Variants in GRIK4 observed in about 807,000 individuals in gnomAD.
The protein encoded by GRIK4 is glutamate receptor ionotropic, kainate 4.
GRIK4 carries 40 observed loss-of-function variants against 104.9 expected under a neutral mutation model. The ratio of observed to expected loss-of-function variants is 0.38; its 90% confidence interval spans 0.30 to 0.50. The LOEUF (loss-of-function observed/expected upper bound fraction) is 0.50, where lower values mean the gene tolerates loss of function less well. Ranked by LOEUF, GRIK4 falls within the 20% of genes least tolerant of loss-of-function variation. The pLI, the probability that GRIK4 is intolerant of heterozygous loss-of-function variation, is 0.93. For synonymous variants in GRIK4, 485 were observed against 524.9 expected (o/e 0.92, Z 1.04); for missense variants, 1,047 against 1,308.1 (o/e 0.80, Z 3.08).
intron 11 of GRIK4, 96 bp downstream of exon 11, chr11:120,875,339 C>T: frequency 2.5e-6 from 2 of 792,850 alleles, no homozygotes; most frequent in Non-Finnish European, 4.4e-6. Context: ...TCCCAGTTAT[C>T]CCCAACAGCA....
intron 1 of GRIK4, among the ~76,000 whole-genome samples, chr11:120,535,231 G>A (rs1308397238): frequency 6.6e-6 from 1 of 151,366 alleles, no homozygotes; most frequent in Admixed American, 6.6e-5. Context: ...GCAGATGGGG[G>A]TCCTGAGGAG....
chr11:120,674,134 C>T (rs1950063756), intron 3 of GRIK4, among the ~76,000 whole-genome samples: 1 of 152,178 alleles, frequency 6.6e-6, no homozygotes, highest in Non-Finnish European at 1.5e-5. Context: ...ATGGTTCCTT[C>T]CATCTCATGG....
intron 4 of GRIK4, among the ~76,000 whole-genome samples, chr11:120,806,461 G>T (rs1221828408): frequency 6.6e-6 from 1 of 152,134 alleles, no homozygotes; most frequent in Non-Finnish European, 1.5e-5. Flanking sequence ...GGGCTAATTT[G>T]CATCATTAAT....
chr11:120,885,607 A>T (rs1392125446), intron 11 of GRIK4, among the ~76,000 whole-genome samples: 2 of 151,834 alleles, frequency 1.3e-5, no homozygotes, highest in African/African-American at 4.8e-5. Context: ...CTGATCTCGA[A>T]CTCCTGACCT....
chr11:120,827,882 C>T (rs1379825819), intron 6 of GRIK4, among the ~76,000 whole-genome samples: 3 of 152,170 alleles, frequency 2.0e-5, no homozygotes, highest in Non-Finnish European at 4.4e-5. Flanking sequence ...CATGGGCAGC[C>T]CACTGCATCA....
chr11:120,686,504 A>C (rs1428743352), intron 3 of GRIK4, among the ~76,000 whole-genome samples: 3 of 152,188 alleles, frequency 2.0e-5, no homozygotes, highest in African/African-American at 7.2e-5. Flanking sequence ...TGTATTCCCC[A>C]GGGGGCCTCA....
At chr11:120,827,932 C>T (rs1211866423) in intron 6 of GRIK4, among the ~76,000 whole-genome samples, 1 of 152,166 alleles carries the variant, frequency 6.6e-6, no homozygotes, top group Non-Finnish European at 1.5e-5. Context: ...TGGAGTCTGT[C>T]TCCCTGTGAC....
intron 1 of GRIK4, among the ~76,000 whole-genome samples, chr11:120,516,798 T>C (rs1457148957): frequency 6.6e-6 from 1 of 151,858 alleles, no homozygotes; most frequent in Non-Finnish European, 1.5e-5. Context: ...GGATGGGCGA[T>C]GCGAGGGGAG....
chr11:120,803,920 C>G (rs1284042957), intron 4 of GRIK4, among the ~76,000 whole-genome samples: 1 of 152,210 alleles, frequency 6.6e-6, no homozygotes. Flanking sequence ...AACTGAGGCT[C>G]AAAGCCATTG....
At position 120,956,709 on chromosome 11, in the gene GRIK4, C is replaced by G; in HGVS notation, c.1701-71C>G. On this transcript the variant is annotated intron_variant, in intron 15 of 20. Transcript: ENST00000527524. The surrounding 1 kb of genome is among the most constrained non-coding windows in gnomAD (Gnocchi z 4.6). ...GGCCGGTCTCAGAGGTGAGACCAGC[C>G]AGGAGAGCCTGCCTGTGTCCCTTCA... is the stretch of plus-strand genomic sequence containing the variant. The G allele has an allele frequency of 8.2e-7, 1 of 1,223,960 alleles. No individual in the cohort carries two copies. The highest frequency in any genetic ancestry group is 1.1e-6 in the Non-Finnish European group (1 of 908,956). 75.8% of individuals were successfully genotyped at this position (1,223,960 alleles called of 1,614,324 possible).
chr11:120,949,259 T>C (rs1292292576), intron 14 of GRIK4, among the ~76,000 whole-genome samples: 2 of 152,216 alleles, frequency 1.3e-5, no homozygotes, highest in African/African-American at 2.4e-5. Flanking sequence ...CACACCAGGA[T>C]TGTGGTCAGT....
chr11:120,739,926 C>T (rs1371143421), intron 3 of GRIK4, among the ~76,000 whole-genome samples: 1 of 152,328 alleles, frequency 6.6e-6, no homozygotes, highest in South Asian at 2.1e-4. Context: ...AGACCAAACC[C>T]ATTACCCTTG....
At chr11:120,637,568 A>G (rs1949414466) in intron 1 of GRIK4, among the ~76,000 whole-genome samples, 1 of 152,230 alleles carries the variant, frequency 6.6e-6, no homozygotes, top group African/African-American at 2.4e-5. Context: ...GAGGCTGCTC[A>G]GATTCCAGCA....
intron 3 of GRIK4, among the ~76,000 whole-genome samples, chr11:120,753,327 G>GTA (rs2135427535): frequency 7.5e-6 from 1 of 133,760 alleles, no homozygotes; most frequent in East Asian, 2.1e-4. Context: ...GTGTGTGTGT[G>GTA]TGTGTGTGTG....
intron 8 of GRIK4, among the ~76,000 whole-genome samples, chr11:120,855,253 A>T (rs536711412): frequency 6.6e-6 from 1 of 152,212 alleles, no homozygotes; most frequent in Non-Finnish European, 1.5e-5. Flanking sequence ...TCTTAGCCAC[A>T]CAAGCCTGCA....
chr11:120,982,692 C>T (rs1219005814), intron 20 of GRIK4, among the ~76,000 whole-genome samples: 1 of 152,168 alleles, frequency 6.6e-6, no homozygotes, highest in East Asian at 1.9e-4. Flanking sequence ...ACTCTTCTTC[C>T]AACCCACCCC....
intron 9 of GRIK4, among the ~76,000 whole-genome samples, chr11:120,865,989 G>A (rs570579512): frequency 9.9e-5 from 15 of 152,210 alleles, no homozygotes; most frequent in South Asian, 4.2e-4. Flanking sequence ...GGGAAGAGGT[G>A]CCAGGCTCTT....
At chr11:120,863,339 G>A (rs936291185) in intron 9 of GRIK4, among the ~76,000 whole-genome samples, 2 of 152,310 alleles carry the variant, frequency 1.3e-5, no homozygotes, top group East Asian at 1.9e-4. Flanking sequence ...GTCACATACC[G>A]TACAGGTTTG....
intron 1 of GRIK4, among the ~76,000 whole-genome samples, chr11:120,563,734 G>T (rs911932141): frequency 6.6e-6 from 1 of 152,100 alleles, no homozygotes; most frequent in Non-Finnish European, 1.5e-5. Context: ...GGGTTAGTTG[G>T]CTCTGAATTC....
Sources: allele counts gnomAD v4.1 joint callset (sites outside exome capture counted in the v4.1 genomes callset), GRCh38; gene constraint gnomAD v4.1.1; non-coding constraint Gnocchi (gnomAD v3.1); transcripts MANE v1.5; gene names NCBI Gene and HGNC (gene_info 2026-07-23, HGNC 2026-07-21).